The following MDGA2 variants were observed in gnomAD, a reference collection of about 807,000 sequenced individuals.
MDGA2 encodes the protein MAM domain-containing glycosylphosphatidylinositol anchor protein 2.
MDGA2 carries 40 observed loss-of-function variants against 117.8 expected under a neutral mutation model. The ratio of observed to expected loss-of-function variants is 0.34; its 90% confidence interval spans 0.26 to 0.44. The LOEUF (loss-of-function observed/expected upper bound fraction) is 0.44, where lower values mean the gene tolerates loss of function less well. Ranked by LOEUF, MDGA2 falls within the 20% of genes least tolerant of loss-of-function variation. The pLI is 1.00. For synonymous variants in MDGA2, 452 were observed against 439.0 expected (o/e 1.03, Z -0.37); for missense variants, 1,123 against 1,250.6 (o/e 0.90, Z 1.54).
chr14:47,292,998 G>A (rs1888940932), intron 2 of MDGA2, among the ~76,000 whole-genome samples: 1 of 152,004 alleles, frequency 6.6e-6, no homozygotes, highest in African/African-American at 2.4e-5. Context: ...CTAAACTTCT[G>A]CCATTTCTGA....
intron 7 of MDGA2, chr14:47,058,901 T>A (rs560058524): frequency 2.0e-6 from 2 of 977,760 alleles, no homozygotes; most frequent in Admixed American, 1.2e-4. Flanking sequence ...TTTGCTTTAA[T>A]GCTTTGATGT....
At chr14:46,918,533 T>C (rs942357408) in intron 10 of MDGA2, among the ~76,000 whole-genome samples, 8 of 152,278 alleles carry the variant, frequency 5.3e-5, no homozygotes, top group African/African-American at 1.7e-4. Context: ...ACGATGTTAA[T>C]ATAGATTTCG....
chr14:47,494,902 T>A (rs1257031159), intron 1 of MDGA2, among the ~76,000 whole-genome samples: 1 of 144,738 alleles, frequency 6.9e-6, no homozygotes, highest in Non-Finnish European at 1.5e-5. Context: ...ATGTAAAATA[T>A]ATATTGTGTA....
intron 2 of MDGA2, among the ~76,000 whole-genome samples, chr14:47,253,604 T>A (rs900042563): frequency 1.3e-5 from 2 of 152,230 alleles, no homozygotes; most frequent in African/African-American, 4.8e-5. Context: ...AGGGAACAGA[T>A]CCCTCCAGGC....
intron 9 of MDGA2, among the ~76,000 whole-genome samples, chr14:46,946,084 G>C (rs968618435): frequency 6.6e-6 from 1 of 151,996 alleles, no homozygotes. Flanking sequence ...GAGTCAAAAA[G>C]TGGACAAAAA....
chr14:47,671,316 T>A (rs970233120), intron 1 of MDGA2, among the ~76,000 whole-genome samples: 3 of 152,194 alleles, frequency 2.0e-5, no homozygotes, highest in African/African-American at 7.2e-5. Context: ...AGATTGGGCA[T>A]AACAGGAAGA....
chr14:46,842,438 T>C (rs917765326), intron 16 of MDGA2, among the ~76,000 whole-genome samples: 10 of 152,078 alleles, frequency 6.6e-5, no homozygotes, highest in African/African-American at 2.4e-4. Context: ...TCTATCTTAA[T>C]GAAAACTAGA....
At chr14:46,961,521 C>CT (rs1039317303) in intron 8 of MDGA2, among the ~76,000 whole-genome samples, 1 of 152,044 alleles carries the variant, frequency 6.6e-6, no homozygotes, top group Non-Finnish European at 1.5e-5. Context: ...TTCATTTATT[C>CT]TTTTTCTGTA....
intron 1 of MDGA2, among the ~76,000 whole-genome samples, chr14:47,538,006 G>A (rs1386145941): frequency 6.6e-6 from 1 of 152,170 alleles, no homozygotes; most frequent in African/African-American, 2.4e-5. Context: ...TAAATGCAAA[G>A]TAATTCTACC....
intron 1 of MDGA2, among the ~76,000 whole-genome samples, chr14:47,322,477 T>C (rs930224158): frequency 7.9e-5 from 12 of 152,180 alleles, no homozygotes; most frequent in Admixed American, 1.3e-4. Context: ...AAATAAAAAT[T>C]ACTGCTAAGT....
chr14:47,617,911 C>T (rs976261951), intron 1 of MDGA2, among the ~76,000 whole-genome samples: 1 of 151,950 alleles, frequency 6.6e-6, no homozygotes, highest in African/African-American at 2.4e-5. Context: ...TAAAAAATGC[C>T]AGTACTTAGA....
chr14:46,989,511 G>T (rs1386844619), intron 8 of MDGA2, among the ~76,000 whole-genome samples: 1 of 152,004 alleles, frequency 6.6e-6, no homozygotes, highest in African/African-American at 2.4e-5. Context: ...TACAATGCTA[G>T]TACTATCATA....
chr14:47,000,377 T>TG (rs1566567792), intron 8 of MDGA2, among the ~76,000 whole-genome samples: 4 of 100,026 alleles, frequency 4.0e-5, no homozygotes, highest in East Asian at 2.5e-4. Flanking sequence ...ATATATATAT[T>TG]TATATATATA....
intron 1 of MDGA2, among the ~76,000 whole-genome samples, chr14:47,476,959 C>G (rs987764396): frequency 6.6e-6 from 1 of 151,926 alleles, no homozygotes; most frequent in Non-Finnish European, 1.5e-5. Flanking sequence ...GTCAGGAGTT[C>G]GAGATCAGCC....
chr14:47,506,135 AT>A (rs11349439), intron 1 of MDGA2, among the ~76,000 whole-genome samples: 2,208 of 152,308 alleles, frequency 0.014, 44 homozygotes, highest in African/African-American at 0.05. Flanking sequence ...CATCTTCTCT[AT>A]AAAGAAAGTA....
At position 47,000,912 on chromosome 14, in the gene MDGA2, C is replaced by T. The variant is rs374634167; in HGVS notation, c.1819+34099G>A. ...TAGTTTGATTCTAAAACTAAGAAAA[C>T]TACATATTATTTCAATATGACACAC... is the stretch of plus-strand genomic sequence containing the variant. On this transcript the variant is annotated intron_variant, in intron 8 of 16. Coordinates refer to ENST00000399232, the MANE Select transcript of MDGA2 (RefSeq NM_001113498.3). Among the ~76,000 whole-genome samples the T allele has an allele frequency of 5.3e-5, 8 of 152,006 alleles. No homozygotes were observed. The South Asian group carries it at 1.7e-3, about 32-fold the overall frequency.
chr14:47,094,501 T>C (rs1879850936), intron 6 of MDGA2, among the ~76,000 whole-genome samples: 2 of 151,994 alleles, frequency 1.3e-5, no homozygotes. Flanking sequence ...TATTGGACAT[T>C]TTGCCAGTTG....
At chr14:47,409,109 A>G (rs1471775002) in intron 1 of MDGA2, among the ~76,000 whole-genome samples, 1 of 152,148 alleles carries the variant, frequency 6.6e-6, no homozygotes, top group African/African-American at 2.4e-5. Context: ...GGAAACTTTA[A>G]CTTTTACTAT....
intron 1 of MDGA2, among the ~76,000 whole-genome samples, chr14:47,450,360 T>C (rs1042577001): frequency 3.3e-5 from 5 of 152,084 alleles, no homozygotes; most frequent in South Asian, 4.2e-4. Flanking sequence ...AAGAAAGGTA[T>C]ATCTCACAGA....
Sources: allele counts gnomAD v4.1 joint callset (sites outside exome capture counted in the v4.1 genomes callset), GRCh38; gene constraint gnomAD v4.1.1; transcripts MANE v1.5; gene names NCBI Gene and HGNC (gene_info 2026-07-23, HGNC 2026-07-21).